The following DRC11 variants were observed in gnomAD, a reference collection of about 807,000 sequenced individuals.
DRC11 encodes dynein regulatory complex subunit 11, also known as IQ and AAA domain-containing protein 1.
chr2:236,357,423 A>G, the DRC11 span, among the ~76,000 whole-genome samples: 1 of 126,024 alleles, frequency 7.9e-6, no homozygotes, highest in Admixed American at 8.6e-5. Context: ...ATTATAAATA[A>G]TTTACATAGT....
At chr2:236,374,124 C>T in the DRC11 span, among the ~76,000 whole-genome samples, 4 of 152,110 alleles carry the variant, frequency 2.6e-5, no homozygotes, top group Non-Finnish European at 5.9e-5. Flanking sequence ...TTTGGGGTCT[C>T]CTGTTCTCAG....
chr2:236,412,705 C>T, the DRC11 span: 2 of 152,220 alleles, frequency 1.3e-5, no homozygotes, highest in African/African-American at 2.4e-5. Context: ...TTGCATCCTT[C>T]GAGATGTCTC....
chr2:236,356,955 C>T, the DRC11 span, among the ~76,000 whole-genome samples: 5 of 114,580 alleles, frequency 4.4e-5, no homozygotes, highest in South Asian at 2.5e-4. Context: ...ATTCATATAT[C>T]ATAAATATAT....
the DRC11 span, among the ~76,000 whole-genome samples, chr2:236,499,706 A>G: frequency 6.6e-6 from 1 of 152,156 alleles, no homozygotes; most frequent in Non-Finnish European, 1.5e-5. The surrounding 1 kb of genome is among the most constrained non-coding windows in gnomAD (Gnocchi z 4.7). Context: ...TTGGGATTAC[A>G]GACGTGAACC....
At chr2:236,458,646 A>T in the DRC11 span, among the ~76,000 whole-genome samples, 1 of 152,164 alleles carries the variant, frequency 6.6e-6, no homozygotes, top group Non-Finnish European at 1.5e-5. Flanking sequence ...CCAGCCAGCA[A>T]GGGGGCATTC....
At chr2:236,481,246 A>T in the DRC11 span, among the ~76,000 whole-genome samples, 1 of 152,170 alleles carries the variant, frequency 6.6e-6, no homozygotes, top group East Asian at 1.9e-4. Flanking sequence ...GATACTCATG[A>T]TGCTTCCTGT....
the DRC11 span, among the ~76,000 whole-genome samples, chr2:236,389,936 A>C: frequency 6.6e-6 from 1 of 152,172 alleles, no homozygotes; most frequent in African/African-American, 2.4e-5. Flanking sequence ...TGTTCCATGC[A>C]TACTCGAGAA....
chr2:236,347,643 C>A, the DRC11 span, among the ~76,000 whole-genome samples: 1 of 151,594 alleles, frequency 6.6e-6, no homozygotes, highest in African/African-American at 2.4e-5. Context: ...AACCAAACAT[C>A]GTACGTTCTC....
the DRC11 span, among the ~76,000 whole-genome samples, chr2:236,313,895 A>G: frequency 6.6e-6 from 1 of 152,192 alleles, no homozygotes; most frequent in Non-Finnish European, 1.5e-5. The surrounding 1 kb of genome is among the most constrained non-coding windows in gnomAD (Gnocchi z 4.5). Context: ...TTGGTTGCCA[A>G]GGCTTAAAGG....
At chr2:236,342,532 G>A in the DRC11 span, among the ~76,000 whole-genome samples, 1 of 152,196 alleles carries the variant, frequency 6.6e-6, no homozygotes, top group African/African-American at 2.4e-5. This position sits in a 1 kb window ranked among gnomAD's most constrained non-coding sequence, Gnocchi z 5.8. Flanking sequence ...CCCAGTCATG[G>A]CTCTGGAGAC....
the DRC11 span, among the ~76,000 whole-genome samples, chr2:236,462,145 C>T: frequency 1.3e-5 from 2 of 152,076 alleles, no homozygotes; most frequent in African/African-American, 4.8e-5. The surrounding 1 kb of genome is among the most constrained non-coding windows in gnomAD (Gnocchi z 6.4). Context: ...TGGTGTGGGG[C>T]TGATGGTAGC....
the DRC11 span, among the ~76,000 whole-genome samples, chr2:236,487,160 A>G: frequency 6.6e-6 from 1 of 152,242 alleles, no homozygotes; most frequent in Non-Finnish European, 1.5e-5. Context: ...GGAACATTCT[A>G]GGTAGCAGGA....
chr2:236,356,779 G>A, the DRC11 span, among the ~76,000 whole-genome samples: 1 of 151,582 alleles, frequency 6.6e-6, no homozygotes, highest in Non-Finnish European at 1.5e-5. Context: ...ACTGGTACCT[G>A]GGGGGTGGCG....
chr2:236,388,639 T>G, the DRC11 span, among the ~76,000 whole-genome samples: 1 of 149,568 alleles, frequency 6.7e-6, no homozygotes, highest in Non-Finnish European at 1.5e-5. Context: ...AATTTGATCG[T>G]CTGAAGCCTT....
At chr2:236,441,105 G>A in the DRC11 span, 2 of 1,559,094 alleles carry the variant, frequency 1.3e-6, no homozygotes, top group Non-Finnish European at 1.7e-6. Flanking sequence ...GGGTAGTCAG[G>A]AAATGTCCCG....
the DRC11 span, among the ~76,000 whole-genome samples, chr2:236,423,293 A>T: frequency 2.0e-5 from 3 of 152,082 alleles, no homozygotes; most frequent in African/African-American, 7.2e-5. Flanking sequence ...AATTTTTGCA[A>T]TCTACTCATC....
the DRC11 span, among the ~76,000 whole-genome samples, chr2:236,501,116 G>A: frequency 1.3e-5 from 2 of 152,180 alleles, no homozygotes; most frequent in Non-Finnish European, 2.9e-5. Context: ...TCATGGTGGA[G>A]GCAAAGTGGG....
At chr2:236,491,211 T>TATATATATATATATATATATAC in the DRC11 span, among the ~76,000 whole-genome samples, 11 of 38,768 alleles carry the variant, frequency 2.8e-4, no homozygotes, top group African/African-American at 1.0e-3. Flanking sequence ...TATATATATA[T>TATATATATATATATATATATAC]ACACACAGTA....
At chr2:236,414,594 G>A in the DRC11 span, among the ~76,000 whole-genome samples, 1 of 152,100 alleles carries the variant, frequency 6.6e-6, no homozygotes, top group East Asian at 1.9e-4. Flanking sequence ...CCAAAGTGCT[G>A]GGATTACAGG....
Sources: gnomAD v4.1 joint callset for allele counts (sites outside exome capture counted in the v4.1 genomes callset) on GRCh38, gnomAD v4.1.1 for gene constraint, Gnocchi (gnomAD v3.1) non-coding constraint, MANE v1.5 for transcripts, NCBI Gene and HGNC (gene_info 2026-07-23, HGNC 2026-07-21) for gene names.